Variants in CLSTN2 observed in about 807,000 individuals in gnomAD.
CLSTN2 encodes calsyntenin-2.
A neutral mutation model predicts 101.2 loss-of-function variants in CLSTN2; 48 were observed. The observed-to-expected ratio is 0.47, with a 90% CI of 0.38 to 0.60. CLSTN2 has a LOEUF of 0.60. CLSTN2 is among the 20% of genes least tolerant of loss of function. CLSTN2 has a pLI of 0.00. For synonymous variants in CLSTN2, 481 were observed against 463.6 expected (o/e 1.04, Z -0.48); for missense variants, 1,160 against 1,238.2 (o/e 0.94, Z 0.95).
At chr3:140,562,757 T>C (rs1443824662) in intron 13 of CLSTN2, 54 bp from the exon 14 acceptor site, 1 of 1,597,020 alleles carries the variant, frequency 6.3e-7, no homozygotes. Flanking sequence ...TCTCCTCTCT[T>C]CTCTTCCTCC....
intron 1 of CLSTN2, among the ~76,000 whole-genome samples, chr3:140,161,035 C>T (rs1043075757): frequency 3.9e-5 from 6 of 152,146 alleles, no homozygotes; most frequent in Non-Finnish European, 5.9e-5. Flanking sequence ...ACACACGGAG[C>T]ACCTACCATG....
intron 1 of CLSTN2, among the ~76,000 whole-genome samples, chr3:140,130,597 A>T (rs1258289948): frequency 6.6e-6 from 1 of 152,158 alleles, no homozygotes; most frequent in African/African-American, 2.4e-5. Flanking sequence ...TGCTGCTTAG[A>T]GGCTCACATT....
At chr3:140,532,087 C>G (rs888410045) in intron 8 of CLSTN2, among the ~76,000 whole-genome samples, 2 of 152,182 alleles carry the variant, frequency 1.3e-5, no homozygotes, top group Admixed American at 1.3e-4. Context: ...ATCTCCCCAT[C>G]ATCCACTATC....
intron 1 of CLSTN2, among the ~76,000 whole-genome samples, chr3:140,111,834 A>T (rs1055148042): frequency 1.3e-5 from 2 of 152,212 alleles, no homozygotes; most frequent in African/African-American, 4.8e-5. Context: ...TAAGGACTTC[A>T]TATGCACGAT....
At chr3:140,231,973 A>C (rs996044014) in intron 2 of CLSTN2, among the ~76,000 whole-genome samples, 14 of 152,324 alleles carry the variant, frequency 9.2e-5, no homozygotes, top group Middle Eastern at 3.4e-3. Flanking sequence ...TGTTTGAAAA[A>C]TGAGGAAATA....
chr3:140,100,982 G>A (rs1240366667), intron 1 of CLSTN2, among the ~76,000 whole-genome samples: 1 of 152,188 alleles, frequency 6.6e-6, no homozygotes, highest in Non-Finnish European at 1.5e-5. Context: ...ACAGGCCTGT[G>A]TGCAAAGCAG....
chr3:140,368,521 C>G (rs1164965615), intron 2 of CLSTN2, among the ~76,000 whole-genome samples: 1 of 152,204 alleles, frequency 6.6e-6, no homozygotes, highest in African/African-American at 2.4e-5. Context: ...TCTCATCCCC[C>G]ACTCCAGGCC....
At position 140,282,415 on chromosome 3, in the gene CLSTN2, C is replaced by T. The variant is rs756743721; in HGVS notation, c.232+106342C>T. 1.6e-4 allele frequency among the ~76,000 whole-genome samples: 24 copies of T among 152,162 alleles called. 1 individual carries two copies. Among genetic ancestry groups the T allele is most frequent in the Admixed American group, 1.0e-3 (16 of 15,288 alleles). ...CTGGAGTGTGACCAAGAGCATGAGGCGCCCAGAAAACAGCTGCCACCTTTC... is the reference window on the plus strand; with the variant it reads ...CTGGAGTGTGACCAAGAGCATGAGGTGCCCAGAAAACAGCTGCCACCTTTC... On this transcript the variant is annotated intron_variant, in intron 2 of 16. Coordinates refer to ENST00000458420, the MANE Select transcript of CLSTN2 (RefSeq NM_022131.3).
intron 1 of CLSTN2, among the ~76,000 whole-genome samples, chr3:140,117,742 C>A (rs2009270169): frequency 6.6e-6 from 1 of 152,192 alleles, no homozygotes; most frequent in South Asian, 2.1e-4. Flanking sequence ...GGAGGGACAG[C>A]AGGGGCAGAT....
At chr3:140,218,978 C>T (rs776033669) in intron 2 of CLSTN2, among the ~76,000 whole-genome samples, 1 of 152,044 alleles carries the variant, frequency 6.6e-6, no homozygotes. Context: ...GATTCATACA[C>T]GAGGTTGTTA....
At chr3:140,154,006 T>G (rs192758641) in intron 1 of CLSTN2, among the ~76,000 whole-genome samples, 1 of 152,270 alleles carries the variant, frequency 6.6e-6, no homozygotes, top group Admixed American at 6.5e-5. Context: ...TCCAGAGAAA[T>G]AGTGGTGCAC....
At chr3:140,271,944 CAG>C (rs2086745839) in intron 2 of CLSTN2, among the ~76,000 whole-genome samples, 1 of 152,192 alleles carries the variant, frequency 6.6e-6, no homozygotes, top group South Asian at 2.1e-4. Flanking sequence ...GAAGTACAAA[CAG>C]AACCCAATTC....
At chr3:140,461,720 A>G (rs1425428584) in intron 7 of CLSTN2, among the ~76,000 whole-genome samples, 1 of 152,126 alleles carries the variant, frequency 6.6e-6, no homozygotes, top group Non-Finnish European at 1.5e-5. Context: ...GAGGAGCCTA[A>G]TGGGAAGCCA....
At chr3:140,013,606 A>T (rs17398553) in intron 1 of CLSTN2, among the ~76,000 whole-genome samples, 8,871 of 152,274 alleles carry the variant, frequency 0.058, 344 homozygotes, top group Non-Finnish European at 0.079. Context: ...ATGCTACATC[A>T]CAGAAAATCC....
intron 1 of CLSTN2, among the ~76,000 whole-genome samples, chr3:140,146,478 T>C (rs1452628001): frequency 1.3e-5 from 2 of 152,248 alleles, no homozygotes; most frequent in East Asian, 1.9e-4. Context: ...GAGTCTGTAC[T>C]GTAGAAACAA....
intron 2 of CLSTN2, among the ~76,000 whole-genome samples, chr3:140,339,688 C>T (rs149453764): frequency 1.6e-3 from 250 of 152,314 alleles, no homozygotes; most frequent in African/African-American, 5.6e-3. Flanking sequence ...TACATTCGCC[C>T]TGTGGTTCCC....
At chr3:140,034,128 C>T (rs893660953) in intron 1 of CLSTN2, among the ~76,000 whole-genome samples, 1 of 152,198 alleles carries the variant, frequency 6.6e-6, no homozygotes, top group Non-Finnish European at 1.5e-5. Flanking sequence ...TTAACACTGA[C>T]AATCCTGAGT....
chr3:139,935,562 C>A lies in CLSTN2; in HGVS notation c.109+79C>A. On this transcript the variant is annotated intron_variant, in intron 1 of 16. Transcript: ENST00000458420. This position sits in a 1 kb window ranked among gnomAD's most constrained non-coding sequence, Gnocchi z 5.5. ...AGGGTGAAAGCGGCAAGGACCTAGG[C>A]TCAAGCTGGATTTGCCCACCCTCCC... is the stretch of plus-strand genomic sequence containing the variant. 1 of 736,520 alleles carries A rather than the reference C, an allele frequency of 1.4e-6. No individual in the cohort carries two copies. The highest frequency in any genetic ancestry group is 1.9e-6 in the Non-Finnish European group (1 of 536,390). The allele number at this position is 736,520 out of a possible 1,614,324, so 45.6% of individuals were successfully genotyped here. A position where few individuals can be genotyped will look rare whatever the true frequency, so the allele number is the denominator to read the frequency against.
intron 8 of CLSTN2, among the ~76,000 whole-genome samples, chr3:140,516,479 A>ATGTT (rs1934918644): frequency 6.6e-6 from 1 of 150,872 alleles, no homozygotes; most frequent in Non-Finnish European, 1.5e-5. Context: ...TTTGGAGGAT[A>ATGTT]TGTTTCAAGA....
Sources: gnomAD v4.1 joint callset for allele counts (sites outside exome capture counted in the v4.1 genomes callset) on GRCh38, gnomAD v4.1.1 for gene constraint, Gnocchi (gnomAD v3.1) non-coding constraint, MANE v1.5 for transcripts, NCBI Gene and HGNC (gene_info 2026-07-23, HGNC 2026-07-21) for gene names.